Variants in COL2A1 observed in about 807,000 individuals in gnomAD.
The protein encoded by COL2A1 is collagen alpha-1(II) chain.
Under a neutral mutation model 204.5 loss-of-function variants are expected in COL2A1, and 28 were observed. The ratio of observed to expected loss-of-function variants is 0.14; its 90% CI spans 0.10 to 0.19. The LOEUF (loss-of-function observed/expected upper bound fraction) is 0.19, where lower values mean the gene tolerates loss of function less well. Among genes scored for constraint, COL2A1 ranks in the 10% least tolerant of loss-of-function variants. The probability of loss-of-function intolerance (pLI) is 1.00; values close to 1 mark genes in which losing one functional copy is unlikely to be tolerated. For missense variants in COL2A1, 1,388 were observed against 2,027.5 expected (o/e 0.68, Z 6.06); for synonymous variants, 708 against 718.7 (o/e 0.99, Z 0.24).
chr12:47,984,620 G>A (rs763990655), intron 27 of COL2A1, 21 bp from the exon 28 acceptor site: 4 of 1,613,528 alleles, frequency 2.5e-6, no homozygotes, highest in African/African-American at 2.7e-5. Flanking sequence ...GAGAGGGCAG[G>A]GCCATGAGGC....
rs2071437 is a variant in COL2A1 at position 47,993,136 on chromosome 12, A to G, written c.970-205T>C. 0.2 allele frequency among the ~76,000 whole-genome samples: 30,964 copies of G among 152,178 alleles called. 3,363 individuals are homozygous for G. Among genetic ancestry groups the G allele is most frequent in the East Asian group, 0.31 (1,612 of 5,162 alleles). On this transcript the variant is annotated intron_variant, in intron 15 of 53. Coordinates refer to ENST00000380518, the MANE Select transcript of COL2A1 (RefSeq NM_001844.5). ...CAACAGTTTTCTCCACAGGCGGAACACACGAATGTTCCTGTTGCTACCTAT... is the reference window on the plus strand; with the variant it reads ...CAACAGTTTTCTCCACAGGCGGAACGCACGAATGTTCCTGTTGCTACCTAT...
chr12:47,974,240 A>G lies in COL2A1; in HGVS notation c.4166T>C (p.Ile1389Thr), dbSNP rs1938578082. Reference sequence around the variant, plus strand: ...AATGCTGTTCTTGCAGTGGTAGGTGATGTTCTGGGAGCCTTCCGTGGACAG... The same window carrying G: ...AATGCTGTTCTTGCAGTGGTAGGTGGTGTTCTGGGAGCCTTCCGTGGACAG... Reference protein sequence around the residue: ...RLLSTEGSQNITYHCKNSIAY... With the variant: ...RLLSTEGSQNTTYHCKNSIAY... The change falls in exon 53 of 54, where the codon ATC becomes ACC. Residue 1389 changes from isoleucine to threonine, a missense_variant. Ile to Thr is a moderately conservative substitution (Grantham distance 89). Transcript: ENST00000380518. 6.2e-7 allele frequency: 1 copy of G among 1,614,020 alleles called. No homozygotes were observed. The highest frequency in any genetic ancestry group is 1.3e-5 in the African/African-American group (1 of 74,908).
chr12:47,977,017 T>C, intron 47 of COL2A1, 85 bp downstream of exon 47: 1 of 1,544,294 alleles, frequency 6.5e-7, no homozygotes, highest in Non-Finnish European at 8.8e-7. Context: ...AACACAGGGC[T>C]GGAGGCCCAG....
intron 2 of COL2A1, chr12:47,999,634 A>ATTGTTTTT (rs1940134866): frequency 6.5e-6 from 1 of 154,296 alleles, no homozygotes; most frequent in Non-Finnish European, 1.2e-5. Context: ...TTCAGAGAGG[A>ATTGTTTTT]TTTTTTTTTT....
chr12:47,987,569 C>T lies in COL2A1; in HGVS notation c.1221+42G>A, dbSNP rs779282224. 1.2e-5 allele frequency: 18 copies of T among 1,536,998 alleles called. No individual in the cohort carries two copies. The highest frequency in any genetic ancestry group is 1.5e-5 in the Non-Finnish European group (17 of 1,119,882). On this transcript the variant is annotated intron_variant, in intron 19 of 53. Coordinates refer to ENST00000380518, the MANE Select transcript of COL2A1 (RefSeq NM_001844.5). The surrounding 1 kb of genome is among the most constrained non-coding windows in gnomAD (Gnocchi z 4.1). ...TACAGAGTCAAGAGTTCCAAAGCCA[C>T]AGACCCCAGACCCCCCCAGGCCAAA...
Position 47,987,092 on chromosome 12 carries a change from G to A in COL2A1, c.1351C>T (p.Pro451Ser). 3 of 1,614,096 alleles carry A rather than the reference G, an allele frequency of 1.9e-6. No homozygotes were observed. In the South Asian group the frequency reaches 3.3e-5, roughly 18 times the overall value. ...GPQGATGPLG[P>S]KGQTGEPGIA... is the part of the protein sequence containing the mutation. ...TGGGCTCTTACCGTCTGACCTTTCG[G>A]GCCCAGAGGACCAGTTGCACCTTGA... The change falls in exon 21 of 54, where the codon CCG (proline) becomes TCG (serine). Residue 451 changes from proline to serine, a missense_variant. Physicochemically the swap from Pro to Ser is moderately conservative, Grantham distance 74. Transcript: ENST00000380518. This position sits in a 1 kb window ranked among gnomAD's most constrained non-coding sequence, Gnocchi z 4.1.
chr12:47,997,736 G>A (rs1224501524), intron 6 of COL2A1, 29 bp from the exon 7 acceptor site: 1 of 1,614,030 alleles, frequency 6.2e-7, no homozygotes, highest in Admixed American at 1.7e-5. Flanking sequence ...AGGCATCAAT[G>A]GGAAGCAGTG....
chr12:47,977,683 G>C, intron 44 of COL2A1, 30 bp from the exon 45 acceptor site: 1 of 1,612,612 alleles, frequency 6.2e-7, no homozygotes, highest in Non-Finnish European at 8.5e-7. Flanking sequence ...AATGCACTTA[G>C]AGCTGCTTCC....
intron 22 of COL2A1, 144 bp from the exon 23 acceptor site, chr12:47,986,587 C>T (rs1027779558): frequency 1.3e-5 from 9 of 715,694 alleles, no homozygotes; most frequent in African/African-American, 1.2e-4. Context: ...AAAGGACGAG[C>T]CATGGCAGGG....
chr12:47,996,720 G>C (rs777879193), intron 7 of COL2A1, 95 bp from the exon 8 acceptor site: 88 of 953,054 alleles, frequency 9.2e-5, no homozygotes, highest in Non-Finnish European at 1.4e-4. Context: ...GAACTCTACT[G>C]AGATAAACTC....
At chr12:47,985,454 C>T in intron 26 of COL2A1, 80 bp downstream of exon 26, 1 of 1,484,656 alleles carries the variant, frequency 6.7e-7, no homozygotes, top group Non-Finnish European at 9.4e-7. Flanking sequence ...CCTCCCTAAC[C>T]CAAACTCCAT....
chr12:47,993,785 C>T, intron 14 of COL2A1, 24 bp downstream of exon 14: 1 of 1,613,436 alleles, frequency 6.2e-7, no homozygotes. Context: ...CCTCCCCATC[C>T]CATTGTACTT....
At chr12:47,981,702 C>A in intron 36 of COL2A1, 74 bp downstream of exon 36, 1 of 1,477,852 alleles carries the variant, frequency 6.8e-7, no homozygotes, top group Admixed American at 2.0e-5. Context: ...CAAGACAGAA[C>A]CGCCTTTGGC....
rs1938970886 is a variant in COL2A1, at chr12:47,980,184, C to T, written c.2626-122G>A. ...GATGCAGCTTTCTTGGCACTAAAAA[C>T]CCAGCCTGAAGAGGCTGCCACAGGC... On this transcript the variant is annotated intron_variant, in intron 39 of 53. Coordinates refer to ENST00000380518, the MANE Select transcript of COL2A1 (RefSeq NM_001844.5). The surrounding 1 kb of genome is among the most constrained non-coding windows in gnomAD (Gnocchi z 4.5). 1 of 912,278 alleles carries T rather than the reference C, an allele frequency of 1.1e-6. No individual in the cohort carries two copies. The highest frequency in any genetic ancestry group is 1.8e-6 in the Non-Finnish European group (1 of 569,392). 56.5% of individuals were successfully genotyped at this position (912,278 alleles called of 1,614,324 possible).
In COL2A1 at chr12:47,995,573, G is replaced by A. The variant is rs200017870; in HGVS notation, c.708+137C>T. On this transcript the variant is annotated intron_variant, in intron 10 of 53. Transcript: ENST00000380518. ...GTCAGAGTTCCTCCACAGCTAGGAA[G>A]TGACATCCGAATTTCCTTGGGGCCA... is the stretch of plus-strand genomic sequence containing the variant. 1.3e-3 allele frequency: 1,208 copies of A among 954,268 alleles called. 2 individuals carry two copies. Among genetic ancestry groups the A allele is most frequent in the Non-Finnish European group, 1.6e-3 (910 of 581,324 alleles). 59.1% of individuals were successfully genotyped at this position (954,268 alleles called of 1,614,324 possible).
rs111599549 is a variant in COL2A1, at chr12:47,997,687, G to C, written c.450C>G (p.Gly150=). The change falls in exon 7 of 54, where the codon GGC becomes GGG. Residue 150 remains glycine (G), a synonymous_variant. Coordinates refer to ENST00000380518, the MANE Select transcript of COL2A1 (RefSeq NM_001844.5). The stretch of plus-strand genomic sequence containing the variant: ...CAGGGGTCCCAGGTTCTCCATCTCT[G>C]CCACGAGGTCCAGGGGCACCCTTGG... ...KGEKGAPGPR[G]RDGEPGTPGN... 3 of 1,614,036 alleles carry C rather than the reference G, an allele frequency of 1.9e-6. No individual in the cohort carries two copies. Among genetic ancestry groups the C allele is most frequent in the African/African-American group, 2.7e-5 (2 of 75,018 alleles).
rs1164110708 is a variant in COL2A1, at chr12:47,987,246, CA to C, written c.1266+22del. On this transcript the variant is annotated intron_variant, in intron 20 of 53. Coordinates refer to ENST00000380518, the MANE Select transcript of COL2A1 (RefSeq NM_001844.5). The surrounding 1 kb of genome is among the most constrained non-coding windows in gnomAD (Gnocchi z 4.1). ...GCAGGACTGGGCTCTCCTGGGGTAG[CA>C]AAGTCCACGGGCAACACTCACAGCA... The C allele has an allele frequency of 6.2e-7, 1 of 1,613,964 alleles. No homozygotes were observed. Among genetic ancestry groups the C allele is most frequent in the Non-Finnish European group, 8.5e-7 (1 of 1,179,946 alleles).
intron 37 of COL2A1, 39 bp downstream of exon 37, chr12:47,981,304 G>A (rs1435984118): frequency 6.2e-6 from 10 of 1,603,682 alleles, no homozygotes; most frequent in Admixed American, 3.4e-5. Flanking sequence ...GTTCCCAGGG[G>A]CCTCGGGCAG....
chr12:47,992,515 G>A (rs2136603054), intron 16 of COL2A1, among the ~76,000 whole-genome samples: 1 of 152,284 alleles, frequency 6.6e-6, no homozygotes, highest in South Asian at 2.1e-4. Context: ...CACTTTTCTA[G>A]GGCATTTGAG....
Sources: allele counts gnomAD v4.1 joint callset (sites outside exome capture counted in the v4.1 genomes callset), GRCh38; gene constraint gnomAD v4.1.1; non-coding constraint Gnocchi (gnomAD v3.1); transcripts MANE v1.5; gene names NCBI Gene and HGNC (gene_info 2026-07-23, HGNC 2026-07-21).